Variants in LOC122539214 observed in about 807,000 individuals in gnomAD.
chr19:52,682,135 C>T, the LOC122539214 span, among the ~76,000 whole-genome samples: 2 of 152,006 alleles, frequency 1.3e-5, no homozygotes, highest in South Asian at 2.1e-4. Context: ...CATGAGCCAC[C>T]GTGCCTGGCC....
chr19:52,687,616 G>GTATA, the LOC122539214 span, among the ~76,000 whole-genome samples: 55 of 15,820 alleles, frequency 3.5e-3, 7 homozygotes, highest in East Asian at 0.066. Flanking sequence ...TATATAATGT[G>GTATA]TATATATATA....
chr19:52,658,237 C>A, the LOC122539214 span, among the ~76,000 whole-genome samples: 1 of 151,798 alleles, frequency 6.6e-6, no homozygotes, highest in Admixed American at 6.6e-5. Context: ...CCATCAAGGA[C>A]ACCATCCTAC....
chr19:52,662,170 A>C, the LOC122539214 span, among the ~76,000 whole-genome samples: 1 of 152,202 alleles, frequency 6.6e-6, no homozygotes, highest in African/African-American at 2.4e-5. Context: ...ACTTTTCTTT[A>C]CGTTATAAAT....
At chr19:52,672,464 G>C in the LOC122539214 span, among the ~76,000 whole-genome samples, 13 of 152,302 alleles carry the variant, frequency 8.5e-5, no homozygotes, top group Non-Finnish European at 1.5e-4. Flanking sequence ...AAAGCATAAT[G>C]TCGTCAGGCA....
At chr19:52,671,396 A>G in the LOC122539214 span, among the ~76,000 whole-genome samples, 1 of 152,118 alleles carries the variant, frequency 6.6e-6, no homozygotes, top group Admixed American at 6.5e-5. Context: ...AATTCACTCT[A>G]TGTGCCTTCT....
At chr19:52,684,285 G>C in the LOC122539214 span, among the ~76,000 whole-genome samples, 1 of 152,056 alleles carries the variant, frequency 6.6e-6, no homozygotes, top group South Asian at 2.1e-4. Flanking sequence ...AGAATTGCTT[G>C]AACTCTGGTG....
the LOC122539214 span, among the ~76,000 whole-genome samples, chr19:52,681,489 A>AT: frequency 6.6e-6 from 1 of 152,172 alleles, no homozygotes; most frequent in Admixed American, 6.6e-5. Flanking sequence ...CATGAATAAC[A>AT]TTTTTGAATG....
At chr19:52,664,893 G>T in the LOC122539214 span, among the ~76,000 whole-genome samples, 2 of 152,094 alleles carry the variant, frequency 1.3e-5, no homozygotes, top group South Asian at 4.1e-4. Context: ...AGTGAGGCTG[G>T]AACAGCTCAG....
the LOC122539214 span, among the ~76,000 whole-genome samples, chr19:52,659,514 G>A: frequency 6.7e-6 from 1 of 150,286 alleles, no homozygotes; most frequent in Admixed American, 6.7e-5. Context: ...GTCAGTGTAT[G>A]TTTTATTCAT....
chr19:52,661,188 A>G, the LOC122539214 span, among the ~76,000 whole-genome samples: 1 of 152,086 alleles, frequency 6.6e-6, no homozygotes, highest in Non-Finnish European at 1.5e-5. Context: ...GAAACCACAC[A>G]TTCCTTTCCT....
chr19:52,651,696 AAAAAAAAG>A, the LOC122539214 span: 5 of 158,060 alleles, frequency 3.2e-5, no homozygotes, highest in South Asian at 2.0e-4. Flanking sequence ...AAAAAAAAAA[AAAAAAAAG>A]AAAGAAAGAA....
the LOC122539214 span, among the ~76,000 whole-genome samples, chr19:52,687,554 G>A: frequency 6.8e-3 from 142 of 20,844 alleles, 26 homozygotes; most frequent in African/African-American, 9.4e-3. Context: ...AATTATATGT[G>A]TAAATTTTAT....
chr19:52,657,809 T>G, the LOC122539214 span, among the ~76,000 whole-genome samples: 1 of 151,084 alleles, frequency 6.6e-6, no homozygotes, highest in Admixed American at 6.6e-5. Context: ...ATTGCATCAT[T>G]GCACTCCAGC....
At chr19:52,688,974 A>G in the LOC122539214 span, among the ~76,000 whole-genome samples, 1 of 143,244 alleles carries the variant, frequency 7.0e-6, no homozygotes, top group Admixed American at 7.1e-5. Context: ...AAAAAAAAAG[A>G]GAGAGATTAT....
chr19:52,660,198 T>A, the LOC122539214 span, among the ~76,000 whole-genome samples: 1 of 152,108 alleles, frequency 6.6e-6, no homozygotes, highest in Non-Finnish European at 1.5e-5. Context: ...ATAGTCTTAG[T>A]CAGAGAGGGC....
the LOC122539214 span, among the ~76,000 whole-genome samples, chr19:52,661,110 AC>A: frequency 6.6e-6 from 1 of 151,938 alleles, no homozygotes; most frequent in Non-Finnish European, 1.5e-5. Flanking sequence ...AGATCTGCCC[AC>A]CTCAGCCTCC....
the LOC122539214 span, among the ~76,000 whole-genome samples, chr19:52,663,037 T>C: frequency 4.3e-4 from 65 of 151,980 alleles, no homozygotes; most frequent in African/African-American, 1.5e-3. Flanking sequence ...GTGATGTGCA[T>C]CTGTGGTCCC....
the LOC122539214 span, among the ~76,000 whole-genome samples, chr19:52,659,268 C>T: frequency 3.3e-5 from 5 of 152,056 alleles, no homozygotes; most frequent in African/African-American, 4.8e-5. Context: ...ATGAGGAACG[C>T]GACCCCCGAA....
At chr19:52,678,078 G>A in the LOC122539214 span, among the ~76,000 whole-genome samples, 1 of 151,560 alleles carries the variant, frequency 6.6e-6, no homozygotes, top group South Asian at 2.1e-4. Context: ...GACCCAGATG[G>A]AGATTGTTGC....
Sources: allele counts gnomAD v4.1 joint callset (sites outside exome capture counted in the v4.1 genomes callset), GRCh38; gene constraint gnomAD v4.1.1; transcripts MANE v1.5.